Variants in OXNAD1 observed in about 807,000 individuals in gnomAD.
OXNAD1 encodes oxidoreductase NAD-binding domain-containing protein 1.
OXNAD1 carries 34 observed loss-of-function variants against 32.9 expected under a neutral mutation model. The observed-to-expected ratio is 1.03, with a 90% CI of 0.79 to 1.38. The LOEUF (loss-of-function observed/expected upper bound fraction) is 1.38, where lower values mean the gene tolerates loss of function less well. Ranked by LOEUF, OXNAD1 falls within the 40% of genes most tolerant of loss-of-function variation. The pLI, the probability that OXNAD1 is intolerant of heterozygous loss-of-function variation, is 0.00. For synonymous variants in OXNAD1, 134 were observed against 135.2 expected (o/e 0.99, Z 0.06); for missense variants, 407 against 379.4 (o/e 1.07, Z -0.60).
chr3:16,323,353 G>A (rs1359859642), intron 9 of OXNAD1: 3 of 1,553,246 alleles, frequency 1.9e-6, no homozygotes, highest in Non-Finnish European at 2.7e-6. Flanking sequence ...GGAAAACCTA[G>A]GAAGGCCATC....
chr3:16,270,036 A>G (rs13077570), intron 2 of OXNAD1, among the ~76,000 whole-genome samples: 3,941 of 152,340 alleles, frequency 0.026, 85 homozygotes, highest in Non-Finnish European at 0.041. Context: ...TGAAATGTTG[A>G]AGAATCTGTG....
At chr3:16,309,359 C>G (rs1159371813), downstream of OXNAD1, among the ~76,000 whole-genome samples, 1 of 152,132 alleles carries the variant, frequency 6.6e-6, no homozygotes, top group Admixed American at 6.5e-5. Flanking sequence ...TATAAAATGC[C>G]TAATCAGTTT....
At chr3:16,295,100 A>G in intron 6 of OXNAD1, 103 bp downstream of exon 6, 2 of 1,340,064 alleles carry the variant, frequency 1.5e-6, no homozygotes, top group Non-Finnish European at 2.0e-6. Flanking sequence ...GGGCTTGAGT[A>G]AAAGGGTACA....
rs2066314389 is a variant in OXNAD1, at chr3:16,289,911, G to A, written c.290+3463G>A. Among the ~76,000 whole-genome samples, 1 of 152,128 alleles carries A rather than the reference G, an allele frequency of 6.6e-6. No homozygotes were observed. The highest frequency in any genetic ancestry group is 2.4e-5 in the African/African-American group (1 of 41,416). The stretch of plus-strand genomic sequence containing the variant: ...CTCCTCTTAGAGTGGGTTCATTGAG[G>A]GCAGCAACTAAGACATATGTGCATC... On this transcript the variant is annotated intron_variant, in intron 5 of 8. Coordinates refer to ENST00000285083, the MANE Select transcript of OXNAD1 (RefSeq NM_138381.5). The surrounding 1 kb of genome is among the most constrained non-coding windows in gnomAD (Gnocchi z 4.9).
chr3:16,339,579 CA>C (rs762976448), downstream of OXNAD1: 1 of 152,212 alleles, frequency 6.6e-6, no homozygotes, highest in Non-Finnish European at 1.5e-5. Flanking sequence ...TGAGACCTAC[CA>C]CGGGACAAAC....
intron 9 of OXNAD1, among the ~76,000 whole-genome samples, chr3:16,324,620 C>CCCCCA (rs971398885): frequency 7.0e-6 from 1 of 142,888 alleles, no homozygotes; most frequent in African/African-American, 2.6e-5. Flanking sequence ...CTGACCCCCC[C>CCCCCA]CCTTTTAAGG....
At position 16,301,046 on chromosome 3, in the gene OXNAD1, CT is replaced by C. The variant is rs1242383304; in HGVS notation, c.433-579del. On this transcript the variant is annotated intron_variant, in intron 6 of 8. Coordinates refer to ENST00000285083, the MANE Select transcript of OXNAD1 (RefSeq NM_138381.5). The surrounding 1 kb of genome is among the most constrained non-coding windows in gnomAD (Gnocchi z 4.1). ...TATGTGATACTCCCTAGTATGAAGC[CT>C]CTGGCTGCCTGTTCTTGTTTCTCTA... Among the ~76,000 whole-genome samples the C allele has an allele frequency of 6.6e-6, 1 of 152,180 alleles. No homozygotes were observed. The highest frequency in any genetic ancestry group is 1.5e-5 in the Non-Finnish European group (1 of 68,038).
intron 6 of OXNAD1, among the ~76,000 whole-genome samples, chr3:16,300,428 A>G (rs2067100503): frequency 6.6e-6 from 1 of 152,232 alleles, no homozygotes; most frequent in African/African-American, 2.4e-5. Flanking sequence ...ACATGTCACT[A>G]AGTGGAATGT....
chr3:16,317,955 C>T lies in OXNAD1; in HGVS notation c.*30+14363C>T, dbSNP rs1316981307. 1.3e-5 allele frequency among the ~76,000 whole-genome samples: 2 copies of T among 152,208 alleles called. No homozygotes were observed. The highest frequency in any genetic ancestry group is 2.9e-5 in the Non-Finnish European group (2 of 68,042). ...CTGCATCACAGCCCAAATTCTCCCTCTGCCCGCTACTGTACCGACAAGTGT... is the reference window on the plus strand; with the variant it reads ...CTGCATCACAGCCCAAATTCTCCCTTTGCCCGCTACTGTACCGACAAGTGT... On this transcript the variant is annotated intron_variant, in intron 9 of 9. Coordinates refer to the OXNAD1 transcript ENST00000435829. This position sits in a 1 kb window ranked among gnomAD's most constrained non-coding sequence, Gnocchi z 4.3.
chr3:16,332,167 A>G (rs924888248), intron 9 of OXNAD1, among the ~76,000 whole-genome samples: 2 of 152,008 alleles, frequency 1.3e-5, no homozygotes, highest in African/African-American at 4.8e-5. Context: ...AGTTCTGAAA[A>G]ATGTATTTTT....
At position 16,328,627 on chromosome 3, in the gene OXNAD1, G is replaced by A. The variant is rs545246756; in HGVS notation, c.*31-8485G>A. 9.8e-5 allele frequency among the ~76,000 whole-genome samples: 15 copies of A among 152,300 alleles called. No individual in the cohort carries two copies. In the East Asian group the frequency reaches 2.5e-3, roughly 25 times the overall value. On this transcript the variant is annotated intron_variant, in intron 9 of 9. Transcript: ENST00000435829. ...CGGTTCCCAAAGCATGGCCCGAGCC[G>A]GCAGCATCAGCATCACCTGGCAACT...
At position 16,317,639 on chromosome 3, in the gene OXNAD1, G is replaced by C. The variant is rs1336325619; in HGVS notation, c.*30+14047G>C. 3.3e-5 allele frequency among the ~76,000 whole-genome samples: 5 copies of C among 152,188 alleles called. No homozygotes were observed. Among genetic ancestry groups the C allele is most frequent in the African/African-American group, 1.2e-4 (5 of 41,436 alleles). ...TCATTTCCATTCTGAGCAGGCTGAG[G>C]ATTACCAGGCACGGGGCTGGCATTC... is the stretch of plus-strand genomic sequence containing the variant. On this transcript the variant is annotated intron_variant, in intron 9 of 9. Transcript: ENST00000435829. This position sits in a 1 kb window ranked among gnomAD's most constrained non-coding sequence, Gnocchi z 4.3.
chr3:16,282,989 A>C (rs1488291503), intron 4 of OXNAD1, among the ~76,000 whole-genome samples: 22 of 152,042 alleles, frequency 1.4e-4, no homozygotes, highest in Non-Finnish European at 3.2e-4. Context: ...AGAAGAAAGA[A>C]ATTCTCAGCT....
intron 5 of OXNAD1, among the ~76,000 whole-genome samples, chr3:16,293,740 TA>T (rs1440849028): frequency 3.9e-5 from 6 of 152,216 alleles, no homozygotes; most frequent in African/African-American, 7.2e-5. Context: ...TTGTTTCTCT[TA>T]GGGGGGAAAC....
At chr3:16,338,211 G>A (rs1331891256), downstream of OXNAD1, among the ~76,000 whole-genome samples, 1 of 152,224 alleles carries the variant, frequency 6.6e-6, no homozygotes, top group East Asian at 1.9e-4. This position sits in a 1 kb window ranked among gnomAD's most constrained non-coding sequence, Gnocchi z 5.3. Flanking sequence ...GGCAGGAGAT[G>A]GCATGCATCC....
chr3:16,320,188 G>T lies in OXNAD1; in HGVS notation c.*30+16596G>T, dbSNP rs1244216735. On this transcript the variant is annotated intron_variant, in intron 9 of 9. Coordinates refer to the OXNAD1 transcript ENST00000435829. The surrounding 1 kb of genome is among the most constrained non-coding windows in gnomAD (Gnocchi z 4.5). ...CCACTTCAAGTAGTTTAGCTGGAAG[G>T]AAGTCTTCCCGAGTTGTAGAAATCA... Among the ~76,000 whole-genome samples the T allele has an allele frequency of 6.6e-6, 1 of 152,238 alleles. No homozygotes were observed. Among genetic ancestry groups the T allele is most frequent in the Non-Finnish European group, 1.5e-5 (1 of 68,052 alleles).
chr3:16,326,418 A>AT (rs1466624082), intron 9 of OXNAD1, among the ~76,000 whole-genome samples: 1 of 152,162 alleles, frequency 6.6e-6, no homozygotes, highest in Non-Finnish European at 1.5e-5. Flanking sequence ...GAGGACTGAG[A>AT]TTTTTATATA....
Position 16,316,965 on chromosome 3 carries a change from C to T in OXNAD1, c.*30+13373C>T, listed in dbSNP as rs928359664. 2 of 1,614,028 alleles carry T rather than the reference C, an allele frequency of 1.2e-6. No homozygotes were observed. Among genetic ancestry groups the T allele is most frequent in the Non-Finnish European group, 1.7e-6 (2 of 1,180,014 alleles). On this transcript the variant is annotated intron_variant, in intron 9 of 9. Transcript: ENST00000435829. The surrounding 1 kb of genome is among the most constrained non-coding windows in gnomAD (Gnocchi z 4.5). Reference sequence around the variant, plus strand: ...CTGGCAGGACCATTCTGCACAGCCTCACCCTCCACACCCACCCCACACAGC... The same window carrying T: ...CTGGCAGGACCATTCTGCACAGCCTTACCCTCCACACCCACCCCACACAGC...
chr3:16,317,200 G>T lies in OXNAD1; in HGVS notation c.*30+13608G>T, dbSNP rs753546296. 5.0e-5 allele frequency: 80 copies of T among 1,613,120 alleles called. No individual in the cohort carries two copies. In the East Asian group the frequency reaches 1.7e-3, roughly 33 times the overall value. On this transcript the variant is annotated intron_variant, in intron 9 of 9. Coordinates refer to the OXNAD1 transcript ENST00000435829. This position sits in a 1 kb window ranked among gnomAD's most constrained non-coding sequence, Gnocchi z 4.3. The stretch of plus-strand genomic sequence containing the variant: ...CTTTTGATTTCCTCATCTGCCTGTT[G>T]TGCATTTCTTCTCTGGAGAATCGCC...
Sources: gnomAD v4.1 joint callset for allele counts (sites outside exome capture counted in the v4.1 genomes callset) on GRCh38, gnomAD v4.1.1 for gene constraint, Gnocchi (gnomAD v3.1) non-coding constraint, MANE v1.5 for transcripts, NCBI Gene and HGNC (gene_info 2026-07-23, HGNC 2026-07-21) for gene names.